Variants in IL33 observed in about 807,000 individuals in gnomAD.
IL33 encodes interleukin-33.
A neutral mutation model predicts 27.3 loss-of-function variants in IL33; 37 were observed. The observed-to-expected ratio is 1.36, with a 90% CI of 1.04 to 1.78. IL33 has a LOEUF of 1.78. Among genes scored for constraint, IL33 ranks in the 40% most tolerant of loss-of-function variants. IL33 has a pLI of 0.00. For synonymous variants in IL33, 132 were observed against 102.9 expected (o/e 1.28, Z -1.71); for missense variants, 406 against 311.4 (o/e 1.30, Z -2.29).
At chr9:6,224,604 C>T (rs1291001267) in intron 1 of IL33, among the ~76,000 whole-genome samples, 1 of 152,176 alleles carries the variant, frequency 6.6e-6, no homozygotes, top group African/African-American at 2.4e-5. Context: ...TAGGCAAGTT[C>T]TCACCCTTGG....
At position 6,218,607 on chromosome 9, in the gene IL33, T is replaced by C. The variant is rs536976363; in HGVS notation, c.-12+2755T>C. Among the ~76,000 whole-genome samples, 202 of 148,922 alleles carry C rather than the reference T, an allele frequency of 1.4e-3. 1 individual carries two copies. Among genetic ancestry groups the C allele is most frequent in the Non-Finnish European group, 2.5e-3 (167 of 67,316 alleles). On this transcript the variant is annotated intron_variant, in intron 1 of 7. Transcript: ENST00000682010. ...TAATATATATATGCATATATATATA[T>C]ACACATATATATTCTCCCTATATAT...
chr9:6,217,082 T>TA (rs1316411574), intron 1 of IL33, among the ~76,000 whole-genome samples: 2 of 151,868 alleles, frequency 1.3e-5, no homozygotes, highest in African/African-American at 2.4e-5. Context: ...TGGTTGGGAA[T>TA]AAAATCACAG....
chr9:6,223,218 A>G (rs1818485023), intron 1 of IL33, among the ~76,000 whole-genome samples: 1 of 152,140 alleles, frequency 6.6e-6, no homozygotes, highest in African/African-American at 2.4e-5. Flanking sequence ...TTGTCCCACA[A>G]TGACTTAAGG....
intron 1 of IL33, among the ~76,000 whole-genome samples, chr9:6,235,567 A>G (rs1819152598): frequency 6.6e-6 from 1 of 152,242 alleles, no homozygotes; most frequent in South Asian, 2.1e-4. Flanking sequence ...AAAAAATGCC[A>G]TTAGTGAAAT....
At chr9:6,252,087 AC>A (rs371738060) in intron 4 of IL33, among the ~76,000 whole-genome samples, 5,202 of 128,826 alleles carry the variant, frequency 0.04, 792 homozygotes, top group East Asian at 0.079. Context: ...ACAAAACAAA[AC>A]AAAAAAACCA....
chr9:6,220,486 G>A (rs1257666334), intron 1 of IL33, among the ~76,000 whole-genome samples: 1 of 152,140 alleles, frequency 6.6e-6, no homozygotes, highest in Non-Finnish European at 1.5e-5. Flanking sequence ...AATTGTTTAA[G>A]AAATGCTATT....
chr9:6,244,154 A>C, intron 2 of IL33, among the ~76,000 whole-genome samples: 1 of 152,196 alleles, frequency 6.6e-6, no homozygotes, highest in Non-Finnish European at 1.5e-5. Flanking sequence ...TATTGATACA[A>C]AAGTTAAAAT....
At chr9:6,216,612 G>C (rs1818155501) in intron 1 of IL33, among the ~76,000 whole-genome samples, 1 of 152,066 alleles carries the variant, frequency 6.6e-6, no homozygotes, top group African/African-American at 2.4e-5. Flanking sequence ...GCTGGGTGTG[G>C]TGGTGGGCAC....
chr9:6,235,090 C>T (rs1236917293), intron 1 of IL33, among the ~76,000 whole-genome samples: 1 of 152,120 alleles, frequency 6.6e-6, no homozygotes, highest in Non-Finnish European at 1.5e-5. Context: ...GTGGTCCAGA[C>T]TGGAGTATAG....
At chr9:6,227,141 G>T (rs999070232) in intron 1 of IL33, among the ~76,000 whole-genome samples, 8 of 152,306 alleles carry the variant, frequency 5.3e-5, no homozygotes, top group African/African-American at 1.9e-4. Flanking sequence ...AGGTTTCTGG[G>T]TATTCCCTTC....
rs902099071 is a variant in IL33, at chr9:6,236,523, T to C, written c.-11-5161T>C. Reference sequence around the variant, plus strand: ...CAATAAACACTGCCTAGAGCCTATATTGCAAAGATTTTATAAAAGTTAATG... The same window carrying C: ...CAATAAACACTGCCTAGAGCCTATACTGCAAAGATTTTATAAAAGTTAATG... On this transcript the variant is annotated intron_variant, in intron 1 of 7. Transcript: ENST00000682010. Among the ~76,000 whole-genome samples, 6 of 152,342 alleles carry C rather than the reference T, an allele frequency of 3.9e-5. No individual in the cohort carries two copies. The East Asian group carries it at 7.7e-4, about 20-fold the overall frequency.
At chr9:6,248,506 C>A (rs183923109) in intron 2 of IL33, among the ~76,000 whole-genome samples, 28 of 152,182 alleles carry the variant, frequency 1.8e-4, no homozygotes, top group Admixed American at 1.4e-3. Flanking sequence ...ATCAGATGAT[C>A]CTCACCAGAT....
Position 6,251,204 on chromosome 9 carries a change from T to C in IL33, c.282T>C (p.Phe94=). The change falls in exon 4 of 8, where the codon TTT becomes TTC. Residue 94 remains phenylalanine (F), a synonymous_variant. Coordinates refer to ENST00000682010, the MANE Select transcript of IL33 (RefSeq NM_033439.4). ...ACQQQSTVEC[F]AFGISGVQKY... is the part of the protein sequence containing the mutation. Reference sequence around the variant, plus strand: ...AACAGCAGTCTACTGTGGAGTGCTTTGCCTTTGGTATATCAGGGGTCCAGA... The same window carrying C: ...AACAGCAGTCTACTGTGGAGTGCTTCGCCTTTGGTATATCAGGGGTCCAGA... 1 of 1,614,066 alleles carries C rather than the reference T, an allele frequency of 6.2e-7. No homozygotes were observed. The highest frequency in any genetic ancestry group is 1.1e-5 in the South Asian group (1 of 91,088).
intron 2 of IL33, among the ~76,000 whole-genome samples, chr9:6,247,018 C>G (rs1007423474): frequency 5.3e-5 from 8 of 152,098 alleles, no homozygotes; most frequent in Admixed American, 1.3e-4. Context: ...TTCAAAGTAG[C>G]TGGGTCAAAA....
chr9:6,235,031 T>A (rs1368700328), intron 1 of IL33, among the ~76,000 whole-genome samples: 2 of 152,190 alleles, frequency 1.3e-5, no homozygotes, highest in Non-Finnish European at 2.9e-5. Context: ...ATGTATTCTT[T>A]TTTCACTATC....
At chr9:6,254,579 C>A in intron 7 of IL33, 26 bp downstream of exon 7, 1 of 1,331,842 alleles carries the variant, frequency 7.5e-7, no homozygotes, top group South Asian at 1.4e-5. Flanking sequence ...TTATCTATAT[C>A]TATATATATG....
chr9:6,225,537 C>T (rs1818588622), intron 1 of IL33, among the ~76,000 whole-genome samples: 1 of 152,080 alleles, frequency 6.6e-6, no homozygotes, highest in African/African-American at 2.4e-5. Flanking sequence ...TTTAGGCCAC[C>T]TCTGCAGTTT....
intron 1 of IL33, among the ~76,000 whole-genome samples, chr9:6,218,246 AT>A (rs1818234102): frequency 6.6e-6 from 1 of 152,094 alleles, no homozygotes; most frequent in South Asian, 2.1e-4. Flanking sequence ...TTCATAATTG[AT>A]TTCTTAAGTA....
intron 1 of IL33, among the ~76,000 whole-genome samples, chr9:6,229,630 C>T (rs1049041366): frequency 7.2e-5 from 11 of 152,210 alleles, no homozygotes; most frequent in African/African-American, 2.6e-4. Context: ...GGGTAGGGTC[C>T]CCACATCTGT....
Sources: gnomAD v4.1 joint callset for allele counts (sites outside exome capture counted in the v4.1 genomes callset) on GRCh38, gnomAD v4.1.1 for gene constraint, MANE v1.5 for transcripts, NCBI Gene and HGNC (gene_info 2026-07-23, HGNC 2026-07-21) for gene names.